The following NWD1 variants were observed in gnomAD, a reference collection of about 807,000 sequenced individuals.
NWD1 encodes the protein NACHT and WD repeat domain containing 1.
A neutral mutation model predicts 135.1 loss-of-function variants in NWD1; 129 were observed. The ratio of observed to expected loss-of-function variants is 0.96; its 90% CI spans 0.83 to 1.11. The LOEUF (loss-of-function observed/expected upper bound fraction) is 1.11, where lower values mean the gene tolerates loss of function less well. NWD1 is among the 50% of genes least tolerant of loss of function. The pLI is 0.00. For missense variants in NWD1, 1,740 were observed against 1,851.3 expected, an observed-to-expected ratio of 0.94 and a Z score of 1.10; for synonymous variants, 773 against 786.0, an observed-to-expected ratio of 0.98 and a Z score of 0.28.
At chr19:16,745,022 T>G (rs1170839094) in intron 5 of NWD1, 1 of 563,718 alleles carries the variant, frequency 1.8e-6, no homozygotes, top group African/African-American at 1.9e-5. Flanking sequence ...AAAGGCATAC[T>G]TGAGGCTGGG....
intron 9 of NWD1, among the ~76,000 whole-genome samples, chr19:16,764,428 C>T (rs1211755945): frequency 1.3e-5 from 2 of 150,078 alleles, no homozygotes; most frequent in African/African-American, 2.5e-5. Context: ...TCCACCCATC[C>T]ATCTATGATC....
At chr19:16,780,945 C>T (rs1451602273) in intron 12 of NWD1, among the ~76,000 whole-genome samples, 1 of 152,136 alleles carries the variant, frequency 6.6e-6, no homozygotes, top group Non-Finnish European at 1.5e-5. Flanking sequence ...AGGTGTGAGC[C>T]ACTACACCCA....
intron 2 of NWD1, among the ~76,000 whole-genome samples, chr19:16,725,778 C>T (rs1275320254): frequency 1.3e-5 from 2 of 151,796 alleles, no homozygotes; most frequent in Non-Finnish European, 2.9e-5. Context: ...GTCTTGAACT[C>T]ATGACCTCAA....
At chr19:16,798,519 G>A (rs548391201) in intron 16 of NWD1, among the ~76,000 whole-genome samples, 2 of 152,276 alleles carry the variant, frequency 1.3e-5, no homozygotes, top group Admixed American at 1.3e-4. Flanking sequence ...TCTGAGGTGG[G>A]AGGATCACAT....
At position 16,807,953 on chromosome 19, in the gene NWD1, TG is replaced by T. The variant is rs775801576; in HGVS notation, c.4108del (p.Asp1370ThrfsTer57). 5.0e-6 allele frequency: 8 copies of T among 1,614,126 alleles called. No homozygotes were observed. Among genetic ancestry groups the T allele is most frequent in the Non-Finnish European group, 6.8e-6 (8 of 1,180,032 alleles). On this transcript the variant is annotated frameshift_variant, in exon 18 of 19. Coordinates refer to ENST00000524140, the MANE Select transcript of NWD1 (RefSeq NM_001007525.5). LOFTEE classifies it high-confidence loss of function. ...DYRVVYSMTNGDLFLYECATS... is the reference protein window; with the variant it reads ...DYRVVYSMTNXDLFLYECATS... The stretch of plus-strand genomic sequence containing the variant: ...ACCGCGTGGTCTACAGCATGACCAA[TG>T]GGGACCTCTTTCTTTACGAGTGTGC...
At chr19:16,775,175 T>G (rs766084637) in intron 11 of NWD1, among the ~76,000 whole-genome samples, 2 of 151,956 alleles carry the variant, frequency 1.3e-5, no homozygotes, top group Non-Finnish European at 2.9e-5. Context: ...TAAGAGACAC[T>G]AAGTACAATG....
chr19:16,787,908 ATCATCATCATCATCATC>A lies in NWD1; in HGVS notation c.2732-1073_2732-1057del, dbSNP rs1970100785. Among the ~76,000 whole-genome samples, 451 of 104,090 alleles carry A rather than the reference ATCATCATCATCATCATC, an allele frequency of 4.3e-3. 1 individual carries two copies. The highest frequency in any genetic ancestry group is 9.6e-3 in the African/African-American group (232 of 24,232). The allele number at this position is 104,090 out of a possible 152,430, so 68.3% of individuals were successfully genotyped here. ...AATAATAATAATAATAATAATAATC[ATCATCATCATCATCATC>A]ATCATCATCATCATCATCATAGGCC... On this transcript the variant is annotated intron_variant, in intron 12 of 18. Coordinates refer to ENST00000524140, the MANE Select transcript of NWD1 (RefSeq NM_001007525.5).
chr19:16,771,558 A>G (rs1443695185), intron 10 of NWD1, among the ~76,000 whole-genome samples: 2 of 152,236 alleles, frequency 1.3e-5, no homozygotes, highest in Non-Finnish European at 2.9e-5. Context: ...CAGGAGTTGT[A>G]AACCTTGATG....
At chr19:16,747,451 A>G (rs1235041334) in intron 5 of NWD1, among the ~76,000 whole-genome samples, 1 of 151,900 alleles carries the variant, frequency 6.6e-6, no homozygotes, top group African/African-American at 2.4e-5. Context: ...ATCACGGCTC[A>G]GTGTGGCCTC....
At chr19:16,800,212 T>C (rs1174008242) in intron 17 of NWD1, 50 bp downstream of exon 17, 2 of 1,516,720 alleles carry the variant, frequency 1.3e-6, no homozygotes, top group African/African-American at 1.4e-5. Flanking sequence ...CTTGGAGCCA[T>C]CTGTCTTAGT....
chr19:16,789,714 C>CTT (rs1970175449), intron 13 of NWD1, among the ~76,000 whole-genome samples: 1 of 133,734 alleles, frequency 7.5e-6, no homozygotes, highest in African/African-American at 2.9e-5. Context: ...TCTCCTCTCT[C>CTT]TCTTTTTTTT....
chr19:16,765,307 T>A, intron 10 of NWD1, 115 bp downstream of exon 10: 2 of 1,044,672 alleles, frequency 1.9e-6, no homozygotes, highest in Non-Finnish European at 1.4e-6. Flanking sequence ...CTTTCCTGTC[T>A]AAACATGTGA....
intron 3 of NWD1, among the ~76,000 whole-genome samples, chr19:16,735,532 GAA>G (rs1396196043): frequency 4.7e-5 from 7 of 150,388 alleles, no homozygotes; most frequent in Admixed American, 6.7e-5. Flanking sequence ...AAGAAAGAAA[GAA>G]AGAAAGAAAT....
chr19:16,795,283 C>T (rs1331619549), intron 15 of NWD1, among the ~76,000 whole-genome samples: 1 of 152,216 alleles, frequency 6.6e-6, no homozygotes, highest in African/African-American at 2.4e-5. Flanking sequence ...CAGCTGGCTG[C>T]TTCAAGCACT....
intron 4 of NWD1, among the ~76,000 whole-genome samples, chr19:16,738,610 TTCTATTTTCTGAGA>T (rs1967936439): frequency 6.8e-6 from 1 of 146,096 alleles, no homozygotes; most frequent in African/African-American, 2.6e-5. Context: ...CAGAGAGATA[TTCTATTTTCTGAGA>T]TCTATTTTCT....
intron 10 of NWD1, among the ~76,000 whole-genome samples, chr19:16,771,557 T>C (rs1052953902): frequency 6.6e-6 from 1 of 152,206 alleles, no homozygotes; most frequent in African/African-American, 2.4e-5. Flanking sequence ...CCAGGAGTTG[T>C]AAACCTTGAT....
intron 7 of NWD1, among the ~76,000 whole-genome samples, chr19:16,760,382 C>T (rs963141663): frequency 4.0e-5 from 6 of 151,558 alleles, no homozygotes; most frequent in East Asian, 2.0e-4. Context: ...CCTCAGCCTC[C>T]GGAGTAGCTG....
intron 5 of NWD1, among the ~76,000 whole-genome samples, chr19:16,747,193 C>T (rs1050992004): frequency 4.6e-5 from 7 of 151,586 alleles, no homozygotes; most frequent in Admixed American, 6.6e-5. Flanking sequence ...TGCGCCACCT[C>T]GCCTGGCTAA....
chr19:16,792,502 C>T (rs1301017393), intron 14 of NWD1, among the ~76,000 whole-genome samples: 1 of 151,978 alleles, frequency 6.6e-6, no homozygotes, highest in African/African-American at 2.4e-5. Flanking sequence ...CATGAAGAAA[C>T]CTCATCTCTA....
Sources: gnomAD v4.1 joint callset for allele counts (sites outside exome capture counted in the v4.1 genomes callset) on GRCh38, gnomAD v4.1.1 for gene constraint, MANE v1.5 for transcripts, NCBI Gene and HGNC (gene_info 2026-07-23, HGNC 2026-07-21) for gene names.